Variants in AGBL3 observed in about 807,000 individuals in gnomAD.
AGBL3 encodes the protein AGBL carboxypeptidase 3.
In AGBL3, 68 loss-of-function variants were observed where a neutral mutation model predicts 94.5. The observed-to-expected ratio is 0.72, with a 90% confidence interval of 0.59 to 0.88. The LOEUF (loss-of-function observed/expected upper bound fraction) is 0.88. Among genes scored for constraint, AGBL3 ranks in the 40% least tolerant of loss-of-function variants. The probability of loss-of-function intolerance (pLI) is 0.00; values close to 1 mark genes in which losing one functional copy is unlikely to be tolerated. For synonymous variants in AGBL3, 354 were observed against 370.7 expected, an observed-to-expected ratio of 0.95 and a Z score of 0.52; for missense variants, 934 against 1,103.8, an observed-to-expected ratio of 0.85 and a Z score of 2.18.
chr7:134,994,440 A>C (rs1320537995), intron 4 of AGBL3, among the ~76,000 whole-genome samples: 1 of 152,090 alleles, frequency 6.6e-6, no homozygotes, highest in Non-Finnish European at 1.5e-5. Flanking sequence ...TGCTTTTCCA[A>C]GTAAAGCTTA....
chr7:135,089,325 A>G (rs540623408), intron 15 of AGBL3, among the ~76,000 whole-genome samples: 5 of 152,078 alleles, frequency 3.3e-5, no homozygotes, highest in African/African-American at 1.2e-4. Context: ...TCAATTTCTC[A>G]TTGAATTCTT....
intron 8 of AGBL3, among the ~76,000 whole-genome samples, chr7:135,037,859 A>G (rs897989422): frequency 6.6e-6 from 1 of 152,150 alleles, no homozygotes; most frequent in Non-Finnish European, 1.5e-5. Context: ...ATTTTTATCA[A>G]TCAATTTTAG....
intron 3 of AGBL3, among the ~76,000 whole-genome samples, chr7:134,993,292 A>G (rs1285382968): frequency 2.6e-5 from 4 of 152,258 alleles, no homozygotes; most frequent in Non-Finnish European, 4.4e-5. Flanking sequence ...ATAAAAGTCA[A>G]CTATCTTTTG....
chr7:135,036,763 G>C (rs1213927813), intron 7 of AGBL3, among the ~76,000 whole-genome samples: 1 of 152,154 alleles, frequency 6.6e-6, no homozygotes, highest in African/African-American at 2.4e-5. Context: ...CATTTACAAA[G>C]ATAGAGAAAG....
intron 15 of AGBL3, among the ~76,000 whole-genome samples, chr7:135,083,824 AAAG>A (rs1821111006): frequency 6.6e-6 from 1 of 152,214 alleles, no homozygotes; most frequent in Admixed American, 6.5e-5. Flanking sequence ...TTAGTGAACA[AAAG>A]AATTACCAAA....
Position 135,107,719 on chromosome 7 carries a change from T to C in AGBL3, c.2111-7661T>C, listed in dbSNP as rs750422536. 1.5e-3 allele frequency among the ~76,000 whole-genome samples: 231 copies of C among 152,238 alleles called. 1 individual carries two copies. The highest frequency in any genetic ancestry group is 2.5e-3 in the Non-Finnish European group (167 of 68,042). The stretch of plus-strand genomic sequence containing the variant: ...GATTTAGGATGGAGAGTTCTGTAGA[T>C]GTCTATCAGATCTATTTGGTCCAAT... On this transcript the variant is annotated intron_variant, in intron 15 of 16. Transcript: ENST00000436302.
Position 135,115,602 on chromosome 7 carries a change from TC to T in AGBL3, c.2335del (p.Gln779AsnfsTer4), listed in dbSNP as rs1453877824. The T allele has an allele frequency of 1.9e-6, 3 of 1,545,644 alleles. No individual in the cohort carries two copies. The East Asian group carries it at 7.3e-5, about 38-fold the overall frequency. ...TTCAATCCAAGAACCAACTTCCAAA[TC>T]CAACATCAGTAAGTCAATACAATTT... ...QLFNPRTNFQ[I>X]QHQLNPATCR... On this transcript the variant is annotated frameshift_variant, in exon 16 of 17. Coordinates refer to ENST00000436302, the MANE Select transcript of AGBL3 (RefSeq NM_178563.4). LOFTEE classifies it low-confidence loss of function (END_TRUNC).
intron 15 of AGBL3, among the ~76,000 whole-genome samples, chr7:135,088,016 T>A (rs1423996712): frequency 6.6e-6 from 1 of 152,122 alleles, no homozygotes; most frequent in African/African-American, 2.4e-5. Flanking sequence ...GGGGTGCATA[T>A]GTATTCACAA....
intron 2 of AGBL3, among the ~76,000 whole-genome samples, chr7:134,989,033 G>A (rs1444933619): frequency 6.6e-6 from 1 of 152,168 alleles, no homozygotes; most frequent in Non-Finnish European, 1.5e-5. Context: ...ACACCCAGTG[G>A]AAGAGGAGGA....
chr7:135,046,983 G>A (rs1179182293), intron 11 of AGBL3, among the ~76,000 whole-genome samples: 1 of 151,786 alleles, frequency 6.6e-6, no homozygotes, highest in Non-Finnish European at 1.5e-5. Flanking sequence ...ATTATTAACT[G>A]TACAATATTT....
intron 3 of AGBL3, 71 bp from the exon 4 acceptor site, chr7:134,993,422 C>T: frequency 7.8e-7 from 1 of 1,274,790 alleles, no homozygotes; most frequent in Non-Finnish European, 1.1e-6. Context: ...AAAAAAGGAA[C>T]TATATAAAAA....
At chr7:135,099,692 G>A (rs1357435197) in intron 15 of AGBL3, among the ~76,000 whole-genome samples, 1 of 152,036 alleles carries the variant, frequency 6.6e-6, no homozygotes, top group Non-Finnish European at 1.5e-5. Context: ...GATAACCATT[G>A]CTAATCAGAT....
intron 13 of AGBL3, 29 bp downstream of exon 13, chr7:135,076,497 G>A (rs1380615119): frequency 3.4e-6 from 5 of 1,473,370 alleles, no homozygotes; most frequent in Non-Finnish European, 3.7e-6. Flanking sequence ...AGTTATTAAG[G>A]TTTTTTTAAA....
chr7:135,032,049 A>G (rs1360354128), intron 5 of AGBL3, among the ~76,000 whole-genome samples: 2 of 152,076 alleles, frequency 1.3e-5, no homozygotes, highest in East Asian at 1.9e-4. Flanking sequence ...AGACTGTCAT[A>G]CTGTTCTAAA....
At chr7:135,128,989 T>G (rs1245517831) in intron 16 of AGBL3, 5 of 1,593,772 alleles carry the variant, frequency 3.1e-6, no homozygotes, top group South Asian at 1.1e-5. Flanking sequence ...TGCAGGCATG[T>G]GTACTGCAAA....
intron 15 of AGBL3, among the ~76,000 whole-genome samples, chr7:135,089,817 G>T (rs1342716474): frequency 6.6e-6 from 1 of 152,220 alleles, no homozygotes; most frequent in African/African-American, 2.4e-5. Flanking sequence ...AGCTGCAGTG[G>T]TGTGGGGTTC....
intron 4 of AGBL3, among the ~76,000 whole-genome samples, chr7:135,014,435 A>G (rs1195237456): frequency 6.6e-6 from 1 of 152,068 alleles, no homozygotes; most frequent in African/African-American, 2.4e-5. Context: ...GATCATTTGC[A>G]TATACCATAT....
intron 4 of AGBL3, among the ~76,000 whole-genome samples, chr7:135,008,770 T>A (rs1188478233): frequency 6.6e-6 from 1 of 152,284 alleles, no homozygotes; most frequent in African/African-American, 2.4e-5. Flanking sequence ...CTAGACTATA[T>A]AAAGAACTCT....
At chr7:135,068,235 T>C (rs1237182145) in intron 12 of AGBL3, among the ~76,000 whole-genome samples, 1 of 151,904 alleles carries the variant, frequency 6.6e-6, no homozygotes, top group African/African-American at 2.4e-5. Flanking sequence ...TGGGACTATG[T>C]GAAAAGACCA....
Sources: gnomAD v4.1 joint callset for allele counts (sites outside exome capture counted in the v4.1 genomes callset) on GRCh38, gnomAD v4.1.1 for gene constraint, MANE v1.5 for transcripts, NCBI Gene and HGNC (gene_info 2026-07-23, HGNC 2026-07-21) for gene names.